The following MAP3K7 variants were observed in gnomAD, a reference collection of about 807,000 sequenced individuals.
MAP3K7 encodes TGF-beta activated kinase 1.
Under a neutral mutation model 84.8 loss-of-function variants are expected in MAP3K7, and 21 were observed. That is an observed-to-expected ratio of 0.25 (90% CI 0.18 to 0.36). MAP3K7 has a LOEUF of 0.36. Among genes scored for constraint, MAP3K7 ranks in the 10% least tolerant of loss-of-function variants. The pLI, the probability that MAP3K7 is intolerant of heterozygous loss-of-function variation, is 1.00. For synonymous variants in MAP3K7, 241 were observed against 247.7 expected (o/e 0.97, Z 0.25); for missense variants, 503 against 747.7 (o/e 0.67, Z 3.82).
intron 2 of MAP3K7, among the ~76,000 whole-genome samples, chr6:90,569,671 G>A (rs1776836556): frequency 2.6e-5 from 4 of 152,164 alleles, no homozygotes; most frequent in Admixed American, 1.3e-4. Flanking sequence ...TAGAGATGGG[G>A]TTTTGCCATG....
intron 3 of MAP3K7, among the ~76,000 whole-genome samples, chr6:90,564,022 A>G (rs974711033): frequency 1.5e-4 from 23 of 152,232 alleles, no homozygotes; most frequent in African/African-American, 5.5e-4. Flanking sequence ...AAATGCTGAC[A>G]GATTTTGTCA....
chr6:90,579,043 T>A (rs562308289), intron 1 of MAP3K7, among the ~76,000 whole-genome samples: 1 of 152,260 alleles, frequency 6.6e-6, no homozygotes, highest in South Asian at 2.1e-4. Flanking sequence ...TCAAGGATCA[T>A]GTAATTAGTA....
intron 2 of MAP3K7, among the ~76,000 whole-genome samples, chr6:90,569,401 T>C (rs1275968118): frequency 6.6e-6 from 1 of 152,164 alleles, no homozygotes; most frequent in Non-Finnish European, 1.5e-5. Flanking sequence ...GTTTTAATCA[T>C]CCCTGATCCA....
chr6:90,543,128 G>A (rs1448147572), intron 12 of MAP3K7, among the ~76,000 whole-genome samples: 7 of 152,010 alleles, frequency 4.6e-5, no homozygotes, highest in Non-Finnish European at 7.4e-5. Context: ...TTTAAAGTAC[G>A]TCCCTTATAC....
At chr6:90,570,845 A>AAC (rs1776877728) in intron 2 of MAP3K7, among the ~76,000 whole-genome samples, 1 of 152,198 alleles carries the variant, frequency 6.6e-6, no homozygotes, top group African/African-American at 2.4e-5. Context: ...TATTGCATAA[A>AAC]ACAAAGCTGA....
intron 1 of MAP3K7, among the ~76,000 whole-genome samples, chr6:90,580,255 G>A (rs1562113000): frequency 6.6e-6 from 1 of 152,066 alleles, no homozygotes; most frequent in African/African-American, 2.4e-5. Context: ...ACATATGGTA[G>A]ATCAACAGAA....
At chr6:90,542,529 A>G (rs915552285) in intron 12 of MAP3K7, 1 of 977,898 alleles carries the variant, frequency 1.0e-6, no homozygotes, top group Non-Finnish European at 1.2e-6. Context: ...TAATGTGAAC[A>G]CTAAGAGAAA....
intron 1 of MAP3K7, among the ~76,000 whole-genome samples, chr6:90,579,164 T>G (rs1208382696): frequency 1.3e-5 from 2 of 152,222 alleles, no homozygotes; most frequent in Admixed American, 1.3e-4. Flanking sequence ...GCAGCAAGTA[T>G]GATAACTAAC....
intron 13 of MAP3K7, among the ~76,000 whole-genome samples, chr6:90,529,645 T>C (rs1205194543): frequency 1.3e-5 from 2 of 152,176 alleles, no homozygotes; most frequent in Non-Finnish European, 2.9e-5. Flanking sequence ...TCTATAAGGT[T>C]ATAAAAATTA....
At chr6:90,518,867 T>TA (rs1165001692) in intron 15 of MAP3K7, among the ~76,000 whole-genome samples, 9 of 151,772 alleles carry the variant, frequency 5.9e-5, no homozygotes, top group African/African-American at 2.2e-4. Context: ...ATAGCCCTCA[T>TA]ACTCATGAGG....
Position 90,519,298 on chromosome 6 carries a change from G to C in MAP3K7, c.1484C>G (p.Ser495Cys). The C allele has an allele frequency of 6.3e-7, 1 of 1,583,066 alleles. No homozygotes were observed. Among genetic ancestry groups the C allele is most frequent in the Non-Finnish European group, 8.6e-7 (1 of 1,166,704 alleles). The part of the protein sequence containing the change: ...DSTDTNGSDN[S>C]IPMAYLTLDH... ...CAGTGTAAGATAAGCCATTGGGATG[G>C]AGTTATCTGATCCATTGGTATCTGG... Residue 495 changes from serine (S) to cysteine (C), a missense_variant, in exon 15 of 17, where the codon TCC (serine) becomes TGC (cysteine). Ser to Cys is a moderately radical substitution (Grantham distance 112, BLOSUM62 -1). Coordinates refer to ENST00000369329, the MANE Select transcript of MAP3K7 (RefSeq NM_145331.3).
chr6:90,561,180 GT>G (rs1416145449), intron 4 of MAP3K7, among the ~76,000 whole-genome samples: 1 of 151,396 alleles, frequency 6.6e-6, no homozygotes, highest in Non-Finnish European at 1.5e-5. Context: ...ACTACACAAA[GT>G]TTTTTTTCAT....
intron 12 of MAP3K7, among the ~76,000 whole-genome samples, chr6:90,540,643 T>G (rs1327396936): frequency 6.6e-6 from 1 of 151,888 alleles, no homozygotes; most frequent in African/African-American, 2.4e-5. Flanking sequence ...TCCAGTAGAT[T>G]TTAGAATGCA....
intron 3 of MAP3K7, 44 bp from the exon 4 acceptor site, chr6:90,561,711 C>T: frequency 4.5e-6 from 6 of 1,321,732 alleles, no homozygotes; most frequent in Non-Finnish European, 6.5e-6. Context: ...GAAGCTCCAT[C>T]ATCTTAGGGC....
chr6:90,526,138 C>A (rs1318573075), intron 13 of MAP3K7, among the ~76,000 whole-genome samples: 1 of 152,044 alleles, frequency 6.6e-6, no homozygotes, highest in Non-Finnish European at 1.5e-5. Context: ...CAACTGTGCC[C>A]AGCCCCACAG....
chr6:90,570,773 C>CTA (rs1776875248), intron 2 of MAP3K7, among the ~76,000 whole-genome samples: 4 of 152,168 alleles, frequency 2.6e-5, no homozygotes, highest in South Asian at 2.1e-4. Flanking sequence ...TTTCACCCAG[C>CTA]TTTGTGAAAC....
At chr6:90,554,653 T>C (rs1198698196) in intron 6 of MAP3K7, among the ~76,000 whole-genome samples, 1 of 152,204 alleles carries the variant, frequency 6.6e-6, no homozygotes, top group Non-Finnish European at 1.5e-5. Flanking sequence ...ATTTTGTTGC[T>C]CTAGACAATT....
intron 11 of MAP3K7, among the ~76,000 whole-genome samples, chr6:90,546,240 A>G (rs973239952): frequency 9.9e-5 from 15 of 152,168 alleles, no homozygotes; most frequent in Admixed American, 9.2e-4. Context: ...GTCCATCTTG[A>G]CAACTTCTTT....
At chr6:90,560,018 GGT>G in intron 5 of MAP3K7, 56 bp downstream of exon 5, 2 of 1,597,898 alleles carry the variant, frequency 1.3e-6, no homozygotes, top group Non-Finnish European at 1.7e-6. Flanking sequence ...GGTTCGGGGT[GGT>G]GAGAGTGAGA....
Sources: gnomAD v4.1 joint callset for allele counts (sites outside exome capture counted in the v4.1 genomes callset) on GRCh38, gnomAD v4.1.1 for gene constraint, MANE v1.5 for transcripts, NCBI Gene and HGNC (gene_info 2026-07-23, HGNC 2026-07-21) for gene names.